The following PEPD variants were observed in gnomAD, a reference collection of about 807,000 sequenced individuals.
PEPD encodes xaa-Pro dipeptidase.
In PEPD, 53 loss-of-function variants were observed where a neutral mutation model predicts 60.7. The ratio of observed to expected loss-of-function variants is 0.87; its 90% CI spans 0.70 to 1.10. The LOEUF (loss-of-function observed/expected upper bound fraction) is 1.10. Ranked by LOEUF, PEPD falls within the 50% of genes least tolerant of loss-of-function variation. The pLI, the probability that PEPD is intolerant of heterozygous loss-of-function variation, is 0.00. For missense variants in PEPD, 711 were observed against 711.9 expected, an observed-to-expected ratio of 1.00 and a Z score of 0.01; for synonymous variants, 267 against 284.1, an observed-to-expected ratio of 0.94 and a Z score of 0.60.
Position 33,406,090 on chromosome 19 carries a change from C to T in PEPD, c.819-4221G>A, listed in dbSNP as rs533599469. ...TCCAGAGGTGGGTGAGACACAAGGA[C>T]AGCTGCCAGGAAAGCACAGTGGGGT... is the stretch of plus-strand genomic sequence containing the variant. On this transcript the variant is annotated intron_variant, in intron 11 of 14. Coordinates refer to ENST00000244137, the MANE Select transcript of PEPD (RefSeq NM_000285.4). Among the ~76,000 whole-genome samples the T allele has an allele frequency of 2.0e-5, 3 of 152,350 alleles. No homozygotes were observed. The East Asian group carries it at 5.8e-4, about 29-fold the overall frequency.
intron 7 of PEPD, 151 bp from the exon 8 acceptor site, chr19:33,464,213 T>C: frequency 1.4e-6 from 1 of 701,450 alleles, no homozygotes; most frequent in South Asian, 1.5e-5. Context: ...GGCCCAGGAG[T>C]GACAAGCTCC....
rs986730689 is a variant in PEPD, at chr19:33,427,024, C to A, written c.672-13381G>T. Among the ~76,000 whole-genome samples the A allele has an allele frequency of 2.0e-5, 3 of 152,254 alleles. No individual in the cohort carries two copies. The East Asian group carries it at 5.8e-4, about 29-fold the overall frequency. On this transcript the variant is annotated intron_variant, in intron 9 of 14. Coordinates refer to ENST00000244137, the MANE Select transcript of PEPD (RefSeq NM_000285.4). ...CTGTTAGGCGTGAACTGCCGACAAC[C>A]CCTCTTCTAATGAGCCTTTCCATCC...
intron 9 of PEPD, among the ~76,000 whole-genome samples, chr19:33,414,483 G>A (rs1323531432): frequency 3.3e-5 from 5 of 152,306 alleles, no homozygotes; most frequent in East Asian, 3.9e-4. Flanking sequence ...GGGTGTGGTC[G>A]TGGGGAGCTG....
At chr19:33,479,250 AAC>A (rs1970273792) in intron 6 of PEPD, among the ~76,000 whole-genome samples, 1 of 152,326 alleles carries the variant, frequency 6.6e-6, no homozygotes, top group East Asian at 1.9e-4. Context: ...AAAAAAATCA[AAC>A]ACAAAAAAAT....
rs3848603 is a variant in PEPD at position 33,500,523 on chromosome 19, C to G, written c.393+415G>C. 3.5e-4 allele frequency among the ~76,000 whole-genome samples: 53 copies of G among 152,328 alleles called. 2 individuals are homozygous for G. The East Asian group carries it at 3.9e-3, about 11-fold the overall frequency. ...GGGACCTCCAATGCTACTCTACAAGCCTTTCACAGCCTCGGGCTTTTCTGA... is the reference window on the plus strand; with the variant it reads ...GGGACCTCCAATGCTACTCTACAAGGCTTTCACAGCCTCGGGCTTTTCTGA... On this transcript the variant is annotated intron_variant, in intron 4 of 14. Coordinates refer to ENST00000244137, the MANE Select transcript of PEPD (RefSeq NM_000285.4).
intron 3 of PEPD, among the ~76,000 whole-genome samples, chr19:33,510,422 T>C (rs1970900443): frequency 6.6e-6 from 1 of 152,188 alleles, no homozygotes; most frequent in Non-Finnish European, 1.5e-5. Flanking sequence ...CAAGTATATA[T>C]GCAGAGGCTG....
intron 12 of PEPD, among the ~76,000 whole-genome samples, chr19:33,394,902 C>T (rs1182425013): frequency 6.6e-6 from 1 of 152,234 alleles, no homozygotes; most frequent in Non-Finnish European, 1.5e-5. Context: ...CCCCACCCCT[C>T]CTGGAGTCTG....
chr19:33,419,380 G>C (rs1968961446), intron 9 of PEPD, among the ~76,000 whole-genome samples: 1 of 152,244 alleles, frequency 6.6e-6, no homozygotes, highest in Non-Finnish European at 1.5e-5. Context: ...AGGTTGTGTA[G>C]CTGCTCCAGT....
intron 9 of PEPD, among the ~76,000 whole-genome samples, chr19:33,418,077 C>T (rs1426944239): frequency 3.9e-5 from 6 of 152,204 alleles, no homozygotes; most frequent in Non-Finnish European, 8.8e-5. Flanking sequence ...CCAGGGTCCC[C>T]GCCTTCCCGG....
At chr19:33,463,447 G>T (rs1199085326) in intron 8 of PEPD, among the ~76,000 whole-genome samples, 1 of 152,206 alleles carries the variant, frequency 6.6e-6, no homozygotes, top group African/African-American at 2.4e-5. Flanking sequence ...AACAGAGTAC[G>T]CTGCCCATCA....
In PEPD at chr19:33,490,548, C is replaced by T. The variant is rs558358370; in HGVS notation, c.442-491G>A. Among the ~76,000 whole-genome samples the T allele has an allele frequency of 9.2e-5, 14 of 152,350 alleles. No homozygotes were observed. In the South Asian group the frequency reaches 1.7e-3, roughly 18 times the overall value. ...GGACTGCTGTGAAGCAGGGAGACAT[C>T]CCTCTCTTAACTCCAAGGAGACTCC... is the stretch of plus-strand genomic sequence containing the variant. On this transcript the variant is annotated intron_variant, in intron 5 of 14. Coordinates refer to ENST00000244137, the MANE Select transcript of PEPD (RefSeq NM_000285.4).
At chr19:33,504,993 T>C (rs1338638166) in intron 3 of PEPD, among the ~76,000 whole-genome samples, 2 of 152,090 alleles carry the variant, frequency 1.3e-5, no homozygotes, top group Admixed American at 6.5e-5. Context: ...TCAAAGCCCA[T>C]GACTGCACAC....
At chr19:33,424,902 TACCA>T (rs1969107708) in intron 9 of PEPD, among the ~76,000 whole-genome samples, 1 of 152,048 alleles carries the variant, frequency 6.6e-6, no homozygotes, top group African/African-American at 2.4e-5. Context: ...ACTTATTTAC[TACCA>T]TGAGAACAGT....
chr19:33,405,438 G>A (rs1488901820), intron 11 of PEPD, among the ~76,000 whole-genome samples: 2 of 152,236 alleles, frequency 1.3e-5, no homozygotes, highest in Non-Finnish European at 2.9e-5. Context: ...CTCATATTCG[G>A]GGCTGCAGAA....
At chr19:33,396,855 C>T (rs1385769586) in intron 12 of PEPD, among the ~76,000 whole-genome samples, 1 of 152,144 alleles carries the variant, frequency 6.6e-6, no homozygotes, top group African/African-American at 2.4e-5. Context: ...GCCCGCGGGA[C>T]AGGGACAGCT....
At chr19:33,519,516 G>T (rs1600182518) in intron 1 of PEPD, among the ~76,000 whole-genome samples, 1 of 152,224 alleles carries the variant, frequency 6.6e-6, no homozygotes, top group South Asian at 2.1e-4. Flanking sequence ...TGTTCTGTGA[G>T]TGTGGCTAGG....
intron 11 of PEPD, among the ~76,000 whole-genome samples, chr19:33,408,240 T>C (rs560800419): frequency 1.1e-3 from 167 of 152,352 alleles, no homozygotes; most frequent in African/African-American, 4.0e-3. Context: ...AAACCAGGCC[T>C]GGCCTGAGCT....
chr19:33,464,067 A>G lies in PEPD; in HGVS notation c.549-5T>C. ...ATATCCGTCTTAAACACTCGGCTTCAGAGACAGAAGAACAAAGCAGCAAAT... is the reference window on the plus strand; with the variant it reads ...ATATCCGTCTTAAACACTCGGCTTCGGAGACAGAAGAACAAAGCAGCAAAT... On this transcript the variant is annotated splice_polypyrimidine_tract_variant and splice_region_variant and intron_variant, in intron 7 of 14. Coordinates refer to ENST00000244137, the MANE Select transcript of PEPD (RefSeq NM_000285.4). The G allele has an allele frequency of 1.2e-6, 2 of 1,607,908 alleles. No individual in the cohort carries two copies. The highest frequency in any genetic ancestry group is 1.7e-6 in the Non-Finnish European group (2 of 1,174,660).
intron 12 of PEPD, among the ~76,000 whole-genome samples, chr19:33,395,565 C>T (rs1479761501): frequency 9.9e-5 from 15 of 152,214 alleles, no homozygotes; most frequent in Non-Finnish European, 1.0e-4. Context: ...AGCGTAGCCC[C>T]TGAGTGGTCT....
Sources: allele counts gnomAD v4.1 joint callset (sites outside exome capture counted in the v4.1 genomes callset), GRCh38; gene constraint gnomAD v4.1.1; transcripts MANE v1.5; gene names NCBI Gene and HGNC (gene_info 2026-07-23, HGNC 2026-07-21).